Variants in MED13L observed in about 807,000 individuals in gnomAD.
The protein encoded by MED13L is mediator complex subunit 13L.
Under a neutral mutation model 220.9 loss-of-function variants are expected in MED13L, and 7 were observed. That is an observed-to-expected ratio of 0.03 (90% CI 0.02 to 0.06). The LOEUF (loss-of-function observed/expected upper bound fraction) is 0.06. MED13L is among the 10% of genes least tolerant of loss of function. The pLI, the probability that MED13L is intolerant of heterozygous loss-of-function variation, is 1.00. For missense variants in MED13L, 1,965 were observed against 2,760.5 expected, an observed-to-expected ratio of 0.71 and a Z score of 6.46; for synonymous variants, 1,011 against 1,015.2, an observed-to-expected ratio of 1.00 and a Z score of 0.08.
At chr12:116,133,135 T>C (rs1365135447) in intron 2 of MED13L, among the ~76,000 whole-genome samples, 3 of 152,230 alleles carry the variant, frequency 2.0e-5, no homozygotes, top group African/African-American at 7.2e-5. Context: ...AATGAGTGAA[T>C]GGGCACAATT....
At chr12:116,014,531 T>C (rs1041976903) in intron 8 of MED13L, among the ~76,000 whole-genome samples, 2 of 152,132 alleles carry the variant, frequency 1.3e-5, no homozygotes, top group Non-Finnish European at 2.9e-5. Context: ...TCTCTCCTTT[T>C]CCAAAAGTAT....
intron 4 of MED13L, among the ~76,000 whole-genome samples, chr12:116,072,240 T>G (rs1198131945): frequency 6.6e-6 from 1 of 152,190 alleles, no homozygotes; most frequent in Non-Finnish European, 1.5e-5. Context: ...AGCTTGAATC[T>G]CAGATTGTCA....
intron 2 of MED13L, among the ~76,000 whole-genome samples, chr12:116,213,084 G>A (rs147151136): frequency 1.3e-5 from 2 of 152,142 alleles, no homozygotes; most frequent in African/African-American, 4.8e-5. Context: ...GAAGCATAAA[G>A]CCTACTGCTC....
Position 116,038,744 on chromosome 12 carries a change from C to CAAAAAAAAAAAAAAAAAAA in MED13L, c.480-16162_480-16144dup, listed in dbSNP as rs63703461. Among the ~76,000 whole-genome samples, 12 of 75,260 alleles carry CAAAAAAAAAAAAAAAAAAA rather than the reference C, an allele frequency of 1.6e-4. 2 individuals carry two copies. The highest frequency in any genetic ancestry group is 3.0e-4 in the African/African-American group (5 of 16,650). 49.4% of individuals were successfully genotyped at this position (75,260 alleles called of 152,430 possible). A position where few individuals can be genotyped will look rare whatever the true frequency, so the allele number is the denominator to read the frequency against. On this transcript the variant is annotated intron_variant, in intron 4 of 30. Transcript: ENST00000281928. ...GACTTTACCTATGCGGTCAAAAGGC[C>CAAAAAAAAAAAAAAAAAAA]AAAAAAAAAAAAAAAAAAAAAAAAA...
intron 2 of MED13L, among the ~76,000 whole-genome samples, chr12:116,160,756 T>C (rs1363609301): frequency 6.6e-6 from 1 of 150,880 alleles, no homozygotes; most frequent in Admixed American, 6.6e-5. Context: ...TTTTATTTTT[T>C]ATTTTTTTTT....
chr12:116,276,811 C>CCA, intron 1 of MED13L: 1 of 1,183,620 alleles, frequency 8.4e-7, no homozygotes, highest in East Asian at 3.0e-5. Flanking sequence ...TCCGAGACTT[C>CCA]CACATGCAAA....
Position 116,012,852 on chromosome 12 carries a change from G to C in MED13L, c.1225C>G (p.Pro409Ala). Residue 409 changes from proline (P) to alanine (A), a missense_variant, in exon 9 of 31, where the codon CCT (proline) becomes GCT (alanine). Transcript: ENST00000281928. ...GGATCCACAAAATCCCAAGTAGCAG[G>C]ATTGCTAGCAGGCTCTTCTTCAAGA... ...PTLEEEPASN[P>A]ATWDFVDPTQ... 1.2e-6 allele frequency: 2 copies of C among 1,613,962 alleles called. No homozygotes were observed. Among genetic ancestry groups the C allele is most frequent in the Non-Finnish European group, 1.7e-6 (2 of 1,179,892 alleles).
chr12:115,989,979 T>A (rs1877950614), intron 17 of MED13L, among the ~76,000 whole-genome samples: 1 of 152,228 alleles, frequency 6.6e-6, no homozygotes, highest in Non-Finnish European at 1.5e-5. Context: ...CAGTGCTTCT[T>A]CTTAAAACCT....
At chr12:116,189,646 A>G (rs1881136834) in intron 2 of MED13L, among the ~76,000 whole-genome samples, 1 of 152,176 alleles carries the variant, frequency 6.6e-6, no homozygotes, top group South Asian at 2.1e-4. Flanking sequence ...TTTTGAATAA[A>G]CTTTTGCATA....
intron 2 of MED13L, among the ~76,000 whole-genome samples, chr12:116,158,162 A>C (rs1208134538): frequency 6.6e-6 from 1 of 152,086 alleles, no homozygotes; most frequent in Admixed American, 6.6e-5. Flanking sequence ...AAAAAAAAAA[A>C]AAAACCGAGA....
intron 2 of MED13L, 52 bp downstream of exon 2, chr12:116,237,416 G>T: frequency 7.2e-7 from 1 of 1,383,676 alleles, no homozygotes; most frequent in Non-Finnish European, 1.0e-6. Flanking sequence ...ATTTATCAAT[G>T]TTCAAAAAAA....
chr12:116,202,778 CCA>C (rs1261788504), intron 2 of MED13L, among the ~76,000 whole-genome samples: 1 of 152,140 alleles, frequency 6.6e-6, no homozygotes, highest in East Asian at 1.9e-4. Flanking sequence ...CAGCGTCTCC[CCA>C]CAGATTCACT....
At chr12:115,982,333 A>G in intron 22 of MED13L, 51 bp downstream of exon 22, 1 of 1,543,888 alleles carries the variant, frequency 6.5e-7, no homozygotes, top group Non-Finnish European at 8.9e-7. Flanking sequence ...TATTTTCATA[A>G]CAACAAAAAT....
intron 1 of MED13L, among the ~76,000 whole-genome samples, chr12:116,262,699 T>A (rs1389896244): frequency 3.3e-5 from 5 of 152,178 alleles, no homozygotes; most frequent in Non-Finnish European, 7.4e-5. Flanking sequence ...TTTATACAAT[T>A]TACTAAAGTC....
At chr12:116,107,693 A>G (rs1873698618) in intron 3 of MED13L, among the ~76,000 whole-genome samples, 1 of 152,264 alleles carries the variant, frequency 6.6e-6, no homozygotes, top group Non-Finnish European at 1.5e-5. Context: ...AGCAGAAATA[A>G]TAGATCACAA....
intron 2 of MED13L, among the ~76,000 whole-genome samples, chr12:116,120,240 A>G (rs940660231): frequency 3.9e-5 from 6 of 152,080 alleles, no homozygotes; most frequent in African/African-American, 1.2e-4. Context: ...CTTAGTGTTA[A>G]GCAAATCCAC....
chr12:116,114,200 C>CG (rs1874330990), intron 2 of MED13L, among the ~76,000 whole-genome samples: 1 of 152,134 alleles, frequency 6.6e-6, no homozygotes, highest in Non-Finnish European at 1.5e-5. Flanking sequence ...ATGATATCAT[C>CG]ATTTTACAAG....
At chr12:116,101,013 G>T (rs1873025589) in intron 3 of MED13L, among the ~76,000 whole-genome samples, 2 of 152,200 alleles carry the variant, frequency 1.3e-5, no homozygotes, top group African/African-American at 4.8e-5. Flanking sequence ...CAATTACACA[G>T]GGCTGGTCAA....
intron 4 of MED13L, among the ~76,000 whole-genome samples, chr12:116,090,668 G>C (rs1872124328): frequency 6.6e-6 from 1 of 151,896 alleles, no homozygotes; most frequent in East Asian, 1.9e-4. Context: ...GGATTCACTA[G>C]GTCCCACAAG....
Sources: allele counts gnomAD v4.1 joint callset (sites outside exome capture counted in the v4.1 genomes callset), GRCh38; gene constraint gnomAD v4.1.1; transcripts MANE v1.5; gene names NCBI Gene and HGNC (gene_info 2026-07-23, HGNC 2026-07-21).